Variants in KCNT2 observed in about 807,000 individuals in gnomAD.
KCNT2 encodes the protein potassium channel subfamily T member 2.
In KCNT2, 67 loss-of-function variants were observed where a neutral mutation model predicts 153.8. The ratio of observed to expected loss-of-function variants is 0.44; its 90% confidence interval spans 0.36 to 0.53. The LOEUF is 0.53. KCNT2 is among the 20% of genes least tolerant of loss of function. The pLI is 0.00. For synonymous variants in KCNT2, 500 were observed against 458.8 expected (o/e 1.09, Z -1.15); for missense variants, 975 against 1,354.8 (o/e 0.72, Z 4.40).
At chr1:196,412,463 CT>C (rs1672417685) in intron 12 of KCNT2, among the ~76,000 whole-genome samples, 1 of 151,538 alleles carries the variant, frequency 6.6e-6, no homozygotes, top group Non-Finnish European at 1.5e-5. Context: ...TACTAGGGTA[CT>C]TTTCCTTCCT....
intron 1 of KCNT2, among the ~76,000 whole-genome samples, chr1:196,548,267 A>C (rs1657383911): frequency 6.6e-6 from 1 of 152,058 alleles, no homozygotes. Flanking sequence ...TTAACAAGTG[A>C]ATCTTAAATC....
chr1:196,276,934 G>C (rs978993799), intron 25 of KCNT2, among the ~76,000 whole-genome samples: 1 of 151,926 alleles, frequency 6.6e-6, no homozygotes, highest in African/African-American at 2.4e-5. Flanking sequence ...TTTGAAAATT[G>C]GTGATGTGAT....
chr1:196,296,945 C>A (rs1660725897), intron 22 of KCNT2, among the ~76,000 whole-genome samples: 1 of 151,924 alleles, frequency 6.6e-6, no homozygotes, highest in African/African-American at 2.4e-5. Context: ...AGAAAAAAAT[C>A]ATTGGTTTCA....
At chr1:196,561,701 A>C (rs1659439332) in intron 1 of KCNT2, among the ~76,000 whole-genome samples, 1 of 149,342 alleles carries the variant, frequency 6.7e-6, no homozygotes, top group Non-Finnish European at 1.5e-5. Flanking sequence ...GAATAGAAGA[A>C]CAGAAATGCT....
At chr1:196,520,265 T>C (rs182092725) in intron 1 of KCNT2, among the ~76,000 whole-genome samples, 94 of 151,952 alleles carry the variant, frequency 6.2e-4, no homozygotes, top group Non-Finnish European at 1.0e-3. Flanking sequence ...ATCCCTTGAT[T>C]TTAAAAACTC....
intron 1 of KCNT2, among the ~76,000 whole-genome samples, chr1:196,575,729 T>C (rs1661276881): frequency 3.0e-5 from 1 of 33,884 alleles, no homozygotes; most frequent in African/African-American, 3.3e-5. Flanking sequence ...GGTTCACACC[T>C]GTACTTGGGA....
At chr1:196,347,396 T>C (rs933979618) in intron 14 of KCNT2, among the ~76,000 whole-genome samples, 3 of 152,186 alleles carry the variant, frequency 2.0e-5, no homozygotes, top group Admixed American at 6.6e-5. Flanking sequence ...AAACTTCTTA[T>C]AGCGGCAAAT....
At chr1:196,486,341 A>C (rs1472737772) in intron 3 of KCNT2, among the ~76,000 whole-genome samples, 4 of 152,128 alleles carry the variant, frequency 2.6e-5, no homozygotes, top group African/African-American at 9.6e-5. Context: ...GCAAAGCAAA[A>C]CCCAAATATA....
At position 196,280,992 on chromosome 1, in the gene KCNT2, T is replaced by A; in HGVS notation, c.2782-4A>T. Reference sequence around the variant, plus strand: ...AGTCATCTGCAGTGATTTTCATCTATAACACACACAAATTATTTACATATT... The same window carrying A: ...AGTCATCTGCAGTGATTTTCATCTAAAACACACACAAATTATTTACATATT... On this transcript the variant is annotated splice_region_variant and splice_polypyrimidine_tract_variant and intron_variant, in intron 24 of 27. Coordinates refer to ENST00000294725, the MANE Select transcript of KCNT2 (RefSeq NM_198503.5). 6.2e-7 allele frequency: 1 copy of A among 1,601,460 alleles called. No individual in the cohort carries two copies. Among genetic ancestry groups the A allele is most frequent in the Non-Finnish European group, 8.5e-7 (1 of 1,170,708 alleles).
At chr1:196,494,973 CTT>C (rs1011251055) in intron 1 of KCNT2, among the ~76,000 whole-genome samples, 2 of 147,056 alleles carry the variant, frequency 1.4e-5, no homozygotes, top group African/African-American at 2.5e-5. Context: ...GAGCCACTGG[CTT>C]TTTTTTTTTT....
At chr1:196,554,959 A>T (rs931803324) in intron 1 of KCNT2, among the ~76,000 whole-genome samples, 2 of 151,212 alleles carry the variant, frequency 1.3e-5, no homozygotes, top group Admixed American at 1.3e-4. Context: ...AAAAACTCTT[A>T]AAAAACTTGG....
At chr1:196,292,928 A>C (rs1345277398) in intron 22 of KCNT2, among the ~76,000 whole-genome samples, 1 of 152,052 alleles carries the variant, frequency 6.6e-6, no homozygotes, top group Non-Finnish European at 1.5e-5. Flanking sequence ...AGAAGTGATA[A>C]ACAAATTCAG....
At chr1:196,472,164 T>C (rs1468488568) in intron 5 of KCNT2, among the ~76,000 whole-genome samples, 2 of 152,198 alleles carry the variant, frequency 1.3e-5, no homozygotes, top group African/African-American at 4.8e-5. Context: ...AAATGCTTGT[T>C]GGGGCTCAAT....
At chr1:196,592,732 T>TG (rs1285453309) in intron 1 of KCNT2, among the ~76,000 whole-genome samples, 1 of 147,048 alleles carries the variant, frequency 6.8e-6, no homozygotes. Flanking sequence ...TATATACATA[T>TG]ATATATATAG....
chr1:196,307,699 T>C (rs147253740), intron 21 of KCNT2, among the ~76,000 whole-genome samples: 2 of 152,260 alleles, frequency 1.3e-5, no homozygotes, highest in East Asian at 3.9e-4. Flanking sequence ...GTATTATCCA[T>C]ATTTCACATG....
In KCNT2 at chr1:196,227,634, T is replaced by G. The variant is rs982841527; in HGVS notation, c.*590A>C. 2 of 152,514 alleles carry G rather than the reference T, an allele frequency of 1.3e-5. No homozygotes were observed. The highest frequency in any genetic ancestry group is 1.5e-5 in the Non-Finnish European group (1 of 67,952). The allele number at this position is 152,514 out of a possible 1,614,324, so 9.4% of individuals were successfully genotyped here. ...AACATGCTATGAACATCTCAAATTC[T>G]AAGATAAATATTTTTATATCGTAAG... On this transcript the variant is annotated 3_prime_UTR_variant, in exon 28 of 28. Transcript: ENST00000294725.
chr1:196,494,696 G>C (rs967403340), intron 1 of KCNT2, among the ~76,000 whole-genome samples: 1 of 152,064 alleles, frequency 6.6e-6, no homozygotes, highest in African/African-American at 2.4e-5. Flanking sequence ...AAATAATGAG[G>C]AATCTGGAAA....
chr1:196,536,105 C>T (rs995598503), intron 1 of KCNT2, among the ~76,000 whole-genome samples: 1 of 152,202 alleles, frequency 6.6e-6, no homozygotes, highest in East Asian at 1.9e-4. Context: ...TGGCAGGCAA[C>T]CACTCCACAT....
rs570984317 is a variant in KCNT2 at position 196,426,312 on chromosome 1, T to G, written c.985-324A>C. ...GAAGGTTTTAGTTTTATCTACAGAC[T>G]GATCCTAAAATATACATTGAACACC... is the stretch of plus-strand genomic sequence containing the variant. On this transcript the variant is annotated intron_variant, in intron 10 of 27. Coordinates refer to ENST00000294725, the MANE Select transcript of KCNT2 (RefSeq NM_198503.5). Among the ~76,000 whole-genome samples, 4 of 152,050 alleles carry G rather than the reference T, an allele frequency of 2.6e-5. No homozygotes were observed. In the East Asian group the frequency reaches 7.7e-4, roughly 29 times the overall value.
Sources: allele counts gnomAD v4.1 joint callset (sites outside exome capture counted in the v4.1 genomes callset), GRCh38; gene constraint gnomAD v4.1.1; transcripts MANE v1.5; gene names NCBI Gene and HGNC (gene_info 2026-07-23, HGNC 2026-07-21).